The following ACLY variants were observed in gnomAD, a reference collection of about 807,000 sequenced individuals.
The protein encoded by ACLY is ATP citrate lyase.
ACLY carries 41 observed loss-of-function variants against 133.0 expected under a neutral mutation model. The observed-to-expected ratio is 0.31, with a 90% CI of 0.24 to 0.40. ACLY has a LOEUF of 0.40. Among genes scored for constraint, ACLY ranks in the 10% least tolerant of loss-of-function variants. ACLY has a pLI of 1.00. For synonymous variants in ACLY, 495 were observed against 549.3 expected, an observed-to-expected ratio of 0.90 and a Z score of 1.38; for missense variants, 1,046 against 1,453.8, an observed-to-expected ratio of 0.72 and a Z score of 4.56.
At position 41,893,050 on chromosome 17, in the gene ACLY, G is replaced by A. The variant is rs2049259220; in HGVS notation, c.1584C>T (p.Ala528=). The change falls in exon 15 of 29, where the codon GCC becomes GCT. Residue 528 remains alanine, a synonymous_variant. Transcript: ENST00000352035. The stretch of plus-strand genomic sequence containing the variant: ...TAACTCACGTGAAAGGGTAGACCAT[G>A]GCAGCCACTGAGGGCTCGTCTCGGG... ...VCSRDEPSVA[A]MVYPFTGDHK... is the part of the protein sequence containing the mutation. 4 of 1,613,794 alleles carry A rather than the reference G, an allele frequency of 2.5e-6. No homozygotes were observed. The highest frequency in any genetic ancestry group is 3.4e-6 in the Non-Finnish European group (4 of 1,179,852).
chr17:41,888,249 T>C (rs2144288020), intron 16 of ACLY, among the ~76,000 whole-genome samples: 1 of 152,306 alleles, frequency 6.6e-6, no homozygotes, highest in African/African-American at 2.4e-5. Flanking sequence ...TAGCCGAAAC[T>C]GATCTCCACT....
intron 10 of ACLY, 67 bp from the exon 11 acceptor site, chr17:41,901,880 T>C: frequency 4.9e-6 from 6 of 1,227,884 alleles, no homozygotes; most frequent in Non-Finnish European, 6.9e-6. Flanking sequence ...ATAACCGTGA[T>C]AAACAAACAT....
intron 17 of ACLY, among the ~76,000 whole-genome samples, chr17:41,886,716 G>C (rs2049055705): frequency 6.6e-6 from 1 of 151,364 alleles, no homozygotes; most frequent in South Asian, 2.1e-4. Context: ...GATTGCTTGA[G>C]CTTAGGAGTT....
rs1555629664 is a variant in ACLY, at chr17:41,893,083, A to G, written c.1551T>C (p.Tyr517=). 3 of 1,614,184 alleles carry G rather than the reference A, an allele frequency of 1.9e-6. No homozygotes were observed. The South Asian group carries it at 3.3e-5, about 18-fold the overall frequency. ...RAVQGMLDFD[Y]VCSRDEPSVA... ...CTGAGGGCTCGTCTCGGGAGCAGAC[A>G]TAGTCAAAGTCCAGCATGCCTTGCA... The change falls in exon 15 of 29, where the codon TAT becomes TAC. Residue 517 remains tyrosine (Y), a synonymous_variant. Transcript: ENST00000352035.
upstream of ACLY, among the ~76,000 whole-genome samples, chr17:41,923,820 G>T (rs1555635695): frequency 6.6e-6 from 1 of 152,046 alleles, no homozygotes; most frequent in Non-Finnish European, 1.5e-5. Context: ...TTGTTTGTTT[G>T]TTTGTTTTGA....
At position 41,875,283 on chromosome 17, in the gene ACLY, G is replaced by A. The variant is rs1325335132; in HGVS notation, c.2488-1318C>T. ...GAGAATCGCTTGAATCTGGGAGGAG[G>A]AGGTTGCAGTGAGCAGAGATCGCAC... On this transcript the variant is annotated intron_variant, in intron 22 of 28. Transcript: ENST00000352035. 3.3e-5 allele frequency among the ~76,000 whole-genome samples: 5 copies of A among 151,446 alleles called. No individual in the cohort carries two copies. In the East Asian group the frequency reaches 5.8e-4, roughly 18 times the overall value.
At chr17:41,897,649 C>T in intron 13 of ACLY, 100 bp downstream of exon 13, 4 of 1,165,746 alleles carry the variant, frequency 3.4e-6, no homozygotes, top group Non-Finnish European at 3.6e-6. Context: ...CGCTGTTCAT[C>T]TGCCTCTGCC....
chr17:41,876,103 G>A (rs2958390), intron 22 of ACLY, among the ~76,000 whole-genome samples: 111,291 of 149,112 alleles, frequency 0.75, 42,383 homozygotes, highest in East Asian at 0.94. Flanking sequence ...CCTGGCAACC[G>A]CCCCGTCTGA....
At chr17:41,905,922 G>A (rs934985150) in intron 8 of ACLY, among the ~76,000 whole-genome samples, 1 of 152,206 alleles carries the variant, frequency 6.6e-6, no homozygotes, top group Non-Finnish European at 1.5e-5. Context: ...TGAACAATGA[G>A]CACCTCCCTA....
intron 27 of ACLY, 96 bp from the exon 28 acceptor site, chr17:41,868,881 G>C: frequency 7.2e-7 from 1 of 1,384,764 alleles, no homozygotes; most frequent in South Asian, 1.2e-5. Flanking sequence ...AGAAGAAAAG[G>C]GGTGCTCTGG....
chr17:41,907,459 G>A lies in ACLY; in HGVS notation c.730C>T (p.Arg244Trp), dbSNP rs2049754630. ...GDIEFPPPFGREAYPEEAYIA... is the reference protein window; with the variant it reads ...GDIEFPPPFGWEAYPEEAYIA... ...AGCCTTACCTCTGGATATGCCTCCC[G>A]CCCGAAGGGGGGAGGGAACTCGATG... The change falls in exon 7 of 29, where the codon CGG becomes TGG. Residue 244 changes from arginine (R) to tryptophan (W), a missense_variant. Around this residue, in one of 4 missense-constraint regions of ACLY, gnomAD observed 575 missense variants for 804.2 expected, o/e 0.71. Coordinates refer to ENST00000352035, the MANE Select transcript of ACLY (RefSeq NM_001096.3). The A allele has an allele frequency of 4.4e-6, 7 of 1,590,658 alleles. No individual in the cohort carries two copies. The highest frequency in any genetic ancestry group is 6.0e-6 in the Non-Finnish European group (7 of 1,166,088).
intron 10 of ACLY, 126 bp downstream of exon 10, chr17:41,904,603 G>A: frequency 1.2e-6 from 1 of 861,554 alleles, no homozygotes; most frequent in Admixed American, 2.2e-5. Flanking sequence ...CCTGGGGCAA[G>A]AGCTCCCTAC....
intron 1 of ACLY, 149 bp from the exon 2 acceptor site, chr17:41,914,045 G>A (rs1241055314): frequency 2.1e-5 from 15 of 727,348 alleles, no homozygotes; most frequent in South Asian, 3.7e-5. Context: ...CTGTCCCAGC[G>A]GGAGGGATGG....
chr17:41,888,845 G>A (rs368833964), intron 16 of ACLY, among the ~76,000 whole-genome samples: 4 of 152,242 alleles, frequency 2.6e-5, no homozygotes, highest in Admixed American at 2.6e-4. Context: ...CTGGCTGTGC[G>A]CGGTGGCTCA....
chr17:41,872,042 A>G lies in ACLY; in HGVS notation c.2783T>C (p.Leu928Pro). 6.2e-7 allele frequency: 1 copy of G among 1,613,986 alleles called. No individual in the cohort carries two copies. Among genetic ancestry groups the G allele is most frequent in the Non-Finnish European group, 8.5e-7 (1 of 1,179,912 alleles). The stretch of plus-strand genomic sequence containing the variant: ...GATGACAGTACTTACGATGGTGAGC[A>G]GCCCCGAGGTGAGGCTGGAGACCAG... The part of the protein sequence containing the change: ...KDLVSSLTSG[L>P]LTIGDRFGGA... Residue 928 changes from leucine (L) to proline (P), a missense_variant, in exon 24 of 29, where the codon CTG becomes CCG. Around this residue, in one of 4 missense-constraint regions of ACLY, gnomAD observed 205 missense variants for 373.3 expected, o/e 0.55. Coordinates refer to ENST00000352035, the MANE Select transcript of ACLY (RefSeq NM_001096.3).
At chr17:41,921,543 A>G (rs1363329451), upstream of ACLY, among the ~76,000 whole-genome samples, 4 of 149,860 alleles carry the variant, frequency 2.7e-5, no homozygotes, top group African/African-American at 9.8e-5. Flanking sequence ...GGAAGGAAAT[A>G]CTCCTGGGAG....
chr17:41,902,997 C>T (rs1363058133), intron 10 of ACLY, among the ~76,000 whole-genome samples: 1 of 152,040 alleles, frequency 6.6e-6, no homozygotes, highest in African/African-American at 2.4e-5. Context: ...TTATGTTGCC[C>T]AGCCTTGTCT....
intron 1 of ACLY, among the ~76,000 whole-genome samples, chr17:41,925,937 C>T (rs1258391350): frequency 3.3e-5 from 5 of 151,764 alleles, no homozygotes; most frequent in Non-Finnish European, 5.9e-5. Flanking sequence ...CTCTGCCTCT[C>T]GGGTTCAAGT....
At chr17:41,873,747 T>G in intron 23 of ACLY, 64 bp downstream of exon 23, 2 of 1,470,136 alleles carry the variant, frequency 1.4e-6, no homozygotes, top group South Asian at 1.4e-5. Context: ...CCCACCCCTT[T>G]GTTGGGGGAA....
Sources: gnomAD v4.1 joint callset for allele counts (sites outside exome capture counted in the v4.1 genomes callset) on GRCh38, gnomAD v4.1.1 for gene constraint, gnomAD v4.1.1 regional missense constraint, MANE v1.5 for transcripts, NCBI Gene and HGNC (gene_info 2026-07-23, HGNC 2026-07-21) for gene names.